ZNF367: variants seen among roughly 807,000 people sequenced by gnomAD.
ZNF367 encodes C2H2 zinc finger protein ZFF29.
ZNF367 carries 11 observed loss-of-function variants against 31.8 expected under a neutral mutation model. The ratio of observed to expected loss-of-function variants is 0.35; its 90% CI spans 0.22 to 0.57. The LOEUF (loss-of-function observed/expected upper bound fraction) is 0.57. Ranked by LOEUF, ZNF367 falls within the 20% of genes least tolerant of loss-of-function variation. The probability of loss-of-function intolerance (pLI) is 0.85; values close to 1 mark genes in which losing one functional copy is unlikely to be tolerated. For synonymous variants in ZNF367, 199 were observed against 202.4 expected, an observed-to-expected ratio of 0.98 and a Z score of 0.14; for missense variants, 353 against 484.1, an observed-to-expected ratio of 0.73 and a Z score of 2.54.
At chr9:96,403,724 T>C (rs1342096406) in intron 1 of ZNF367, among the ~76,000 whole-genome samples, 2 of 152,182 alleles carry the variant, frequency 1.3e-5, no homozygotes, top group African/African-American at 4.8e-5. Flanking sequence ...GAAAGGCCAA[T>C]TGATTTTCAA....
chr9:96,390,060 G>C (rs894340535), intron 4 of ZNF367, among the ~76,000 whole-genome samples: 3 of 151,862 alleles, frequency 2.0e-5, no homozygotes, highest in Non-Finnish European at 4.4e-5. Flanking sequence ...TTACAGGCGT[G>C]AGGCACCGCA....
At chr9:96,406,318 G>A (rs911811326) in intron 1 of ZNF367, among the ~76,000 whole-genome samples, 12 of 152,134 alleles carry the variant, frequency 7.9e-5, no homozygotes, top group Admixed American at 6.6e-4. Flanking sequence ...AAACCTTGAA[G>A]GATAGTAATA....
At chr9:96,389,920 T>C (rs921460263) in intron 4 of ZNF367, among the ~76,000 whole-genome samples, 2 of 147,390 alleles carry the variant, frequency 1.4e-5, no homozygotes, top group Non-Finnish European at 3.0e-5. Context: ...TTTTTTTTTT[T>C]TGGAGACAGA....
intron 1 of ZNF367, among the ~76,000 whole-genome samples, chr9:96,414,897 A>G (rs1404870861): frequency 3.3e-5 from 5 of 152,214 alleles, no homozygotes. Context: ...AACTAGATTA[A>G]TCTATAAGAA....
intron 1 of ZNF367, among the ~76,000 whole-genome samples, chr9:96,413,327 G>T (rs1325880145): frequency 6.6e-6 from 1 of 152,174 alleles, no homozygotes; most frequent in East Asian, 1.9e-4. Flanking sequence ...TGCCTACTAT[G>T]TTAACATGAT....
Position 96,407,327 on chromosome 9 carries a change from G to A in ZNF367, c.421-9013C>T, listed in dbSNP as rs1417798739. ...ATTGAATTACACCGTAAACGCTATG[G>A]ATACCGTTTGGATTACCATGAGAAA... On this transcript the variant is annotated intron_variant, in intron 1 of 4. Coordinates refer to ENST00000375256, the MANE Select transcript of ZNF367 (RefSeq NM_153695.4). The A allele has an allele frequency of 3.8e-6, 6 of 1,568,520 alleles. No homozygotes were observed. In the South Asian group the frequency reaches 4.5e-5, roughly 12 times the overall value.
chr9:96,417,565 G>T lies in ZNF367; in HGVS notation c.420+48C>A. On this transcript the variant is annotated intron_variant, in intron 1 of 4. Coordinates refer to ENST00000375256, the MANE Select transcript of ZNF367 (RefSeq NM_153695.4). The surrounding 1 kb of genome is among the most constrained non-coding windows in gnomAD (Gnocchi z 5.0). ...GCCCCGCCCGCCGCACCGTTAACGG[G>T]CCCCGGCTGCCCCACGTCCCGCCCG... is the stretch of plus-strand genomic sequence containing the variant. 2.8e-6 allele frequency: 1 copy of T among 350,982 alleles called. No individual in the cohort carries two copies. Among genetic ancestry groups the T allele is most frequent in the Non-Finnish European group, 4.9e-6 (1 of 202,078 alleles). The allele number at this position is 350,982 out of a possible 1,614,324, so 21.7% of individuals were successfully genotyped here. A position where few individuals can be genotyped will look rare whatever the true frequency, so the allele number is the denominator to read the frequency against.
chr9:96,404,534 A>G (rs1035559733), intron 1 of ZNF367, among the ~76,000 whole-genome samples: 1 of 151,454 alleles, frequency 6.6e-6, no homozygotes, highest in Non-Finnish European at 1.5e-5. Context: ...CAGAGCTTGC[A>G]GTGAGCCGAG....
At chr9:96,416,092 T>TGC (rs1831826348) in intron 1 of ZNF367, among the ~76,000 whole-genome samples, 1 of 148,800 alleles carries the variant, frequency 6.7e-6, no homozygotes, top group Non-Finnish European at 1.5e-5. Context: ...TTGTTGTTTT[T>TGC]TTTTTTTTTT....
intron 1 of ZNF367, among the ~76,000 whole-genome samples, chr9:96,400,487 A>T (rs1333895601): frequency 1.3e-5 from 2 of 151,898 alleles, no homozygotes; most frequent in Non-Finnish European, 2.9e-5. Context: ...CAACAAAGAG[A>T]CAGAAATTAT....
intron 1 of ZNF367, among the ~76,000 whole-genome samples, chr9:96,413,535 G>A (rs1831780362): frequency 6.6e-6 from 1 of 152,168 alleles, no homozygotes; most frequent in South Asian, 2.1e-4. Context: ...TGAGAAGCCA[G>A]ACCCCACCAG....
rs989169143 is a variant in ZNF367 at position 96,398,144 on chromosome 9, A to G, written c.571+20T>C. On this transcript the variant is annotated intron_variant, in intron 2 of 4. Transcript: ENST00000375256. ...AAAAGTGTTACTTCTGGCAGTCTCT[A>G]TAAAATTTGCTCAACTTACCTGTAT... is the stretch of plus-strand genomic sequence containing the variant. 3 of 1,339,080 alleles carry G rather than the reference A, an allele frequency of 2.2e-6. No individual in the cohort carries two copies. The highest frequency in any genetic ancestry group is 1.3e-5 in the South Asian group (1 of 75,538). 82.9% of individuals were successfully genotyped at this position (1,339,080 alleles called of 1,614,324 possible). A position where few individuals can be genotyped will look rare whatever the true frequency, so the allele number is the denominator to read the frequency against.
At chr9:96,410,573 A>C (rs112623153) in intron 1 of ZNF367, among the ~76,000 whole-genome samples, 2,019 of 147,528 alleles carry the variant, frequency 0.014, 53 homozygotes, top group African/African-American at 0.048. Context: ...AAAAAAAAAA[A>C]AAAAAACAAA....
chr9:96,395,488 C>T lies in ZNF367; in HGVS notation c.572-546G>A, dbSNP rs569971403. ...TAAATGGTCCTCTAAGATCGGCACTCTAGGCAATCTCACCAACCTCATTAG... is the reference window on the plus strand; with the variant it reads ...TAAATGGTCCTCTAAGATCGGCACTTTAGGCAATCTCACCAACCTCATTAG... On this transcript the variant is annotated intron_variant, in intron 2 of 4. Transcript: ENST00000375256. Among the ~76,000 whole-genome samples the T allele has an allele frequency of 5.9e-5, 9 of 152,280 alleles. No homozygotes were observed. The East Asian group carries it at 1.2e-3, about 20-fold the overall frequency.
chr9:96,395,535 G>C (rs1348730405), intron 2 of ZNF367, among the ~76,000 whole-genome samples: 1 of 152,170 alleles, frequency 6.6e-6, no homozygotes, highest in Non-Finnish European at 1.5e-5. Flanking sequence ...AAGGGGCAGA[G>C]TTTATCCTTA....
intron 1 of ZNF367, among the ~76,000 whole-genome samples, chr9:96,412,566 A>G (rs543507206): frequency 1.3e-5 from 2 of 152,294 alleles, no homozygotes; most frequent in African/African-American, 4.8e-5. Context: ...CCTACTTCCC[A>G]TCCTGACCTA....
chr9:96,412,698 T>TTTTC, intron 1 of ZNF367, among the ~76,000 whole-genome samples: 1 of 77,888 alleles, frequency 1.3e-5, no homozygotes, highest in Non-Finnish European at 2.5e-5. Flanking sequence ...TTTTCTTTTC[T>TTTTC]TTTTTTTTTT....
At chr9:96,402,619 ATTTTTTTTTTTT>A (rs61651699) in intron 1 of ZNF367, among the ~76,000 whole-genome samples, 7 of 70,204 alleles carry the variant, frequency 1.0e-4, no homozygotes, top group South Asian at 5.7e-4. Context: ...CGCCTGGCTA[ATTTTTTTTTTTT>A]TTTTTTTTTT....
chr9:96,398,135 G>T, intron 2 of ZNF367, 29 bp downstream of exon 2: 2 of 901,526 alleles, frequency 2.2e-6, no homozygotes, highest in Non-Finnish European at 3.3e-6. Flanking sequence ...GTTACTTCTG[G>T]CAGTCTCTAT....
Sources: allele counts gnomAD v4.1 joint callset (sites outside exome capture counted in the v4.1 genomes callset), GRCh38; gene constraint gnomAD v4.1.1; non-coding constraint Gnocchi (gnomAD v3.1); transcripts MANE v1.5; gene names NCBI Gene and HGNC (gene_info 2026-07-23, HGNC 2026-07-21).